CHCHD6: variants seen among roughly 807,000 people sequenced by gnomAD.
The protein encoded by CHCHD6 is coiled-coil-helix-coiled-coil-helix domain containing 6.
Under a neutral mutation model 32.3 loss-of-function variants are expected in CHCHD6, and 28 were observed. The observed-to-expected ratio is 0.87, with a 90% CI of 0.64 to 1.19. CHCHD6 has a LOEUF of 1.19. Ranked by LOEUF, CHCHD6 falls within the 50% of genes most tolerant of loss-of-function variation. CHCHD6 has a pLI of 0.00. For missense variants in CHCHD6, 333 were observed against 307.0 expected (o/e 1.08, Z -0.63); for synonymous variants, 122 against 117.5 (o/e 1.04, Z -0.25).
At chr3:126,925,507 A>G (rs539474180) in intron 6 of CHCHD6, among the ~76,000 whole-genome samples, 8 of 152,356 alleles carry the variant, frequency 5.3e-5, no homozygotes, top group African/African-American at 1.9e-4. Context: ...GTAAATGTTT[A>G]AGAAAAGCAG....
intron 5 of CHCHD6, among the ~76,000 whole-genome samples, chr3:126,864,365 C>T (rs1942149062): frequency 6.7e-6 from 1 of 149,670 alleles, no homozygotes; most frequent in Admixed American, 6.6e-5. Context: ...CCTCCTTCAT[C>T]ACCACCTCCA....
At chr3:126,913,307 G>A (rs1354154259) in intron 5 of CHCHD6, among the ~76,000 whole-genome samples, 4 of 124,984 alleles carry the variant, frequency 3.2e-5, no homozygotes, top group Non-Finnish European at 6.3e-5. Flanking sequence ...TCGGCTTACT[G>A]TAACCTCCAC....
chr3:126,864,973 A>G lies in CHCHD6; in HGVS notation c.495+12243A>G, dbSNP rs1475826339. ...CATCTCCTCCTCCATCACCACCTCC[A>G]TCATCACCACTACCACCATCACCTT... On this transcript the variant is annotated intron_variant, in intron 5 of 7. Transcript: ENST00000290913. Among the ~76,000 whole-genome samples the G allele has an allele frequency of 3.6e-5, 5 of 137,646 alleles. No individual in the cohort carries two copies. The East Asian group carries it at 6.3e-4, about 17-fold the overall frequency. 90.3% of individuals were successfully genotyped at this position (137,646 alleles called of 152,430 possible).
intron 4 of CHCHD6, among the ~76,000 whole-genome samples, chr3:126,741,341 A>AT (rs5852490): frequency 0.24 from 36,319 of 148,358 alleles, 4,864 homozygotes; most frequent in African/African-American, 0.35. Context: ...CAAATCAGTG[A>AT]TTTTTTTTTT....
At chr3:126,949,551 AC>A (rs1235222660) in intron 6 of CHCHD6, 3 of 162,824 alleles carry the variant, frequency 1.8e-5, no homozygotes, top group Non-Finnish European at 3.8e-5. Context: ...TGCTGCCCGG[AC>A]TGCCGCCGTG....
At chr3:126,749,218 G>A (rs748429357) in intron 4 of CHCHD6, among the ~76,000 whole-genome samples, 118 of 152,278 alleles carry the variant, frequency 7.7e-4, no homozygotes, top group Non-Finnish European at 1.3e-3. Context: ...CATGTGAAAG[G>A]TTTTCATAGA....
At chr3:126,834,040 C>G (rs1299835496) in intron 4 of CHCHD6, among the ~76,000 whole-genome samples, 2 of 110,728 alleles carry the variant, frequency 1.8e-5, no homozygotes, top group Non-Finnish European at 3.3e-5. Flanking sequence ...GGCGACAGAG[C>G]GAGACTCCGT....
At chr3:126,891,133 T>A (rs757062794) in intron 5 of CHCHD6, among the ~76,000 whole-genome samples, 7 of 152,140 alleles carry the variant, frequency 4.6e-5, no homozygotes, top group Non-Finnish European at 1.5e-5. Context: ...AGACAGCCAG[T>A]AGACCAGCAT....
chr3:126,789,712 A>G (rs749627537), intron 4 of CHCHD6, among the ~76,000 whole-genome samples: 202 of 151,994 alleles, frequency 1.3e-3, no homozygotes, highest in Non-Finnish European at 2.1e-3. Context: ...TTGAGCCTAT[A>G]TGTGTCTCTG....
intron 4 of CHCHD6, among the ~76,000 whole-genome samples, chr3:126,741,359 G>A (rs993218322): frequency 2.7e-5 from 4 of 146,808 alleles, no homozygotes; most frequent in East Asian, 2.0e-4. Context: ...TTTTTTTAAA[G>A]GATGTGGAGT....
At chr3:126,807,567 T>C (rs964734371) in intron 4 of CHCHD6, among the ~76,000 whole-genome samples, 1 of 152,152 alleles carries the variant, frequency 6.6e-6, no homozygotes, top group Admixed American at 6.6e-5. Context: ...ACAGTAGCAG[T>C]ACCAGAAAGA....
intron 4 of CHCHD6, among the ~76,000 whole-genome samples, chr3:126,784,155 C>T (rs1012410947): frequency 6.6e-6 from 1 of 152,138 alleles, no homozygotes; most frequent in African/African-American, 2.4e-5. Flanking sequence ...CTATTTCACA[C>T]TCCCCACCGC....
At chr3:126,779,265 G>A (rs979544778) in intron 4 of CHCHD6, among the ~76,000 whole-genome samples, 3 of 152,214 alleles carry the variant, frequency 2.0e-5, no homozygotes, top group South Asian at 2.1e-4. Flanking sequence ...TAGGCCGGGT[G>A]CAGTGCCTCA....
chr3:126,950,807 G>T (rs2078705380), intron 6 of CHCHD6, among the ~76,000 whole-genome samples: 1 of 152,190 alleles, frequency 6.6e-6, no homozygotes, highest in African/African-American at 2.4e-5. Flanking sequence ...GCTATGATGT[G>T]AAGGAGAGGG....
intron 5 of CHCHD6, among the ~76,000 whole-genome samples, chr3:126,911,530 A>G (rs1474953568): frequency 6.6e-6 from 1 of 152,216 alleles, no homozygotes; most frequent in Non-Finnish European, 1.5e-5. Context: ...AGGTCTGCTT[A>G]GGCAGATTAG....
chr3:126,780,260 C>A, intron 4 of CHCHD6: 2 of 384,554 alleles, frequency 5.2e-6, no homozygotes, highest in Non-Finnish European at 5.1e-6. Context: ...TAGGGAAACA[C>A]CTAAGGGAGG....
At chr3:126,839,001 G>A (rs1329068223) in intron 4 of CHCHD6, among the ~76,000 whole-genome samples, 1 of 149,892 alleles carries the variant, frequency 6.7e-6, no homozygotes, top group African/African-American at 2.5e-5. Flanking sequence ...TGATCCTCCT[G>A]CCTCAGCCAC....
chr3:126,714,757 C>T (rs531960828), intron 1 of CHCHD6, among the ~76,000 whole-genome samples: 3 of 152,266 alleles, frequency 2.0e-5, no homozygotes, highest in East Asian at 1.9e-4. Flanking sequence ...GAAAACACTG[C>T]GTTGAGTGGA....
chr3:126,943,391 T>G (rs940770120), intron 6 of CHCHD6, among the ~76,000 whole-genome samples: 2 of 152,220 alleles, frequency 1.3e-5, no homozygotes, highest in African/African-American at 4.8e-5. Context: ...ATGTGTCCAC[T>G]TTCCCTCTGC....
Sources: allele counts gnomAD v4.1 joint callset (sites outside exome capture counted in the v4.1 genomes callset), GRCh38; gene constraint gnomAD v4.1.1; transcripts MANE v1.5; gene names NCBI Gene and HGNC (gene_info 2026-07-23, HGNC 2026-07-21).